EP400: variants seen among roughly 807,000 people sequenced by gnomAD.
EP400 encodes the protein E1A-binding protein p400.
Under a neutral mutation model 354.1 loss-of-function variants are expected in EP400, and 105 were observed. The ratio of observed to expected loss-of-function variants is 0.30; its 90% CI spans 0.25 to 0.35. The LOEUF (loss-of-function observed/expected upper bound fraction) is 0.35, where lower values mean the gene tolerates loss of function less well. Among genes scored for constraint, EP400 ranks in the 10% least tolerant of loss-of-function variants. The pLI is 1.00. For missense variants in EP400, 3,280 were observed against 4,121.0 expected, an observed-to-expected ratio of 0.80 and a Z score of 5.59; for synonymous variants, 1,646 against 1,716.9, an observed-to-expected ratio of 0.96 and a Z score of 1.02.
intron 30 of EP400, among the ~76,000 whole-genome samples, chr12:132,034,772 A>G (rs190753256): frequency 6.6e-5 from 10 of 152,282 alleles, no homozygotes; most frequent in East Asian, 1.9e-4. Context: ...ACGCCTGACC[A>G]TGGCGGAGTC....
chr12:132,029,595 C>T lies in EP400; in HGVS notation c.5382-106C>T, dbSNP rs1593358347. On this transcript the variant is annotated intron_variant, in intron 27 of 52. Transcript: ENST00000389561. This position sits in a 1 kb window ranked among gnomAD's most constrained non-coding sequence, Gnocchi z 4.7. ...GTGACTGGGTTGAGCCCTGCTGTTT[C>T]CTGGGACTTGGACTGTCAGAAGTCT... 2 of 1,289,128 alleles carry T rather than the reference C, an allele frequency of 1.6e-6. No homozygotes were observed. The highest frequency in any genetic ancestry group is 1.5e-5 in the African/African-American group (1 of 67,862). 79.9% of individuals were successfully genotyped at this position (1,289,128 alleles called of 1,614,324 possible).
At position 132,028,053 on chromosome 12, in the gene EP400, C is replaced by A; in HGVS notation, c.5146C>A (p.Gln1716Lys). The change falls in exon 27 of 53, where the codon CAG (glutamine) becomes AAG (lysine). Residue 1716 changes from glutamine (Q) to lysine (K), a missense_variant. Around this residue, in one of 20 missense-constraint regions of EP400, gnomAD observed 459 missense variants for 496.9 expected, o/e 0.92. Coordinates refer to ENST00000389561, the MANE Select transcript of EP400 (RefSeq NM_015409.5). ...KTRLLKERLD[Q>K]IYLVNERRCS... Reference sequence around the variant, plus strand: ...CAGACTCTTGAAAGAGCGCCTGGATCAGATTTATTTAGTCAACGAGCGGCG... The same window carrying A: ...CAGACTCTTGAAAGAGCGCCTGGATAAGATTTATTTAGTCAACGAGCGGCG... 6.2e-7 allele frequency: 1 copy of A among 1,614,108 alleles called. No homozygotes were observed. The highest frequency in any genetic ancestry group is 1.1e-5 in the South Asian group (1 of 91,068).
At chr12:132,069,468 G>A (rs745970073) in intron 50 of EP400, 27 bp from the exon 51 acceptor site, 14 of 1,610,850 alleles carry the variant, frequency 8.7e-6, no homozygotes, top group East Asian at 4.5e-5. Flanking sequence ...TGGTCTCTGC[G>A]GCCCTAATTT....
intron 12 of EP400, among the ~76,000 whole-genome samples, chr12:131,996,537 C>T (rs374982452): frequency 3.9e-5 from 6 of 152,178 alleles, no homozygotes; most frequent in East Asian, 3.9e-4. Context: ...ATGATCCACC[C>T]GCCTCAGCCT....
chr12:132,007,419 G>T (rs1335139804), intron 15 of EP400, among the ~76,000 whole-genome samples: 1 of 152,266 alleles, frequency 6.6e-6, no homozygotes, highest in African/African-American at 2.4e-5. Flanking sequence ...CTGCATGGCA[G>T]CCCCAACTGG....
chr12:132,062,413 C>A, intron 46 of EP400, 53 bp from the exon 47 acceptor site: 1 of 1,610,576 alleles, frequency 6.2e-7, no homozygotes, highest in Non-Finnish European at 8.5e-7. Context: ...GAATGAGGAT[C>A]TGAAGGTGGG....
At chr12:132,023,299 ATTTTTTTTT>A (rs767816284) in intron 23 of EP400, among the ~76,000 whole-genome samples, 5 of 71,042 alleles carry the variant, frequency 7.0e-5, no homozygotes, top group African/African-American at 8.3e-5. Context: ...TGCCCAGCTA[ATTTTTTTTT>A]TTTTTTTTTT....
chr12:131,978,900 C>G (rs1387312577), intron 2 of EP400, among the ~76,000 whole-genome samples: 2 of 152,080 alleles, frequency 1.3e-5, no homozygotes, highest in Non-Finnish European at 1.5e-5. Flanking sequence ...ATGTAGGGTG[C>G]TAACTATAAA....
chr12:131,972,139 T>C (rs1409707787), intron 2 of EP400, among the ~76,000 whole-genome samples: 2 of 150,794 alleles, frequency 1.3e-5, no homozygotes, highest in Non-Finnish European at 3.0e-5. Context: ...TTTATTACTT[T>C]CTTTTTCTTT....
rs1346757014 is a variant in EP400, at chr12:131,995,735, CATGTGA to C, written c.2827+781_2827+786del. 4.5e-4 allele frequency among the ~76,000 whole-genome samples: 56 copies of C among 124,756 alleles called. 1 individual carries two copies. Among genetic ancestry groups the C allele is most frequent in the South Asian group, 4.1e-3 (18 of 4,392 alleles). 81.8% of individuals were successfully genotyped at this position (124,756 alleles called of 152,430 possible). A position where few individuals can be genotyped will look rare whatever the true frequency, so the allele number is the denominator to read the frequency against. On this transcript the variant is annotated intron_variant, in intron 12 of 52. Transcript: ENST00000389561. ...GTTCATCCTGAGTGTGTGAGAACTT[CATGTGA>C]ACGAATCCCACCACAGCTTGACTGA...
intron 2 of EP400, among the ~76,000 whole-genome samples, chr12:131,969,112 A>C (rs1280014940): frequency 6.6e-6 from 1 of 151,768 alleles, no homozygotes; most frequent in Non-Finnish European, 1.5e-5. Flanking sequence ...GGGGGAAGGC[A>C]GTTAGTCTTC....
At chr12:132,015,975 T>A (rs1445290177) in intron 19 of EP400, among the ~76,000 whole-genome samples, 1 of 152,122 alleles carries the variant, frequency 6.6e-6, no homozygotes, top group Admixed American at 6.5e-5. Flanking sequence ...CAGACCAGAC[T>A]CCCTACCTGC....
At chr12:131,992,495 C>T (rs1437213260) in intron 11 of EP400, among the ~76,000 whole-genome samples, 1 of 152,216 alleles carries the variant, frequency 6.6e-6, no homozygotes, top group Non-Finnish European at 1.5e-5. Context: ...GCCCCATGCT[C>T]CTGTGGCACA....
At chr12:132,031,909 A>C (rs191852080) in intron 29 of EP400, 44 bp from the exon 30 acceptor site, 149 of 1,555,394 alleles carry the variant, frequency 9.6e-5, no homozygotes, top group Non-Finnish European at 1.2e-4. Flanking sequence ...AGGTTTCCCA[A>C]CATTTTCCAA....
chr12:132,074,507 G>T (rs1896171392), intron 51 of EP400, among the ~76,000 whole-genome samples: 1 of 152,100 alleles, frequency 6.6e-6, no homozygotes, highest in East Asian at 1.9e-4. Context: ...CTTTGTCTTT[G>T]TTGTTTTGCA....
Position 132,017,849 on chromosome 12 carries a change from C to T in EP400, c.4110+128C>T. Reference sequence around the variant, plus strand: ...CAATTGCAATTGCAGCTCCGCGATACATGGCACCGTCTAGCAGCACTGATG... The same window carrying T: ...CAATTGCAATTGCAGCTCCGCGATATATGGCACCGTCTAGCAGCACTGATG... On this transcript the variant is annotated intron_variant, in intron 20 of 52. Transcript: ENST00000389561. This position sits in a 1 kb window ranked among gnomAD's most constrained non-coding sequence, Gnocchi z 5.0. 2 of 1,064,730 alleles carry T rather than the reference C, an allele frequency of 1.9e-6. No homozygotes were observed. Among genetic ancestry groups the T allele is most frequent in the Non-Finnish European group, 2.6e-6 (2 of 756,692 alleles). 66.0% of individuals were successfully genotyped at this position (1,064,730 alleles called of 1,614,324 possible). A position where few individuals can be genotyped will look rare whatever the true frequency, so the allele number is the denominator to read the frequency against.
intron 2 of EP400, among the ~76,000 whole-genome samples, chr12:131,968,390 T>C (rs1372375308): frequency 1.3e-5 from 2 of 152,226 alleles, no homozygotes; most frequent in Admixed American, 6.5e-5. Context: ...TTGATACTTT[T>C]ATGGTTCTGT....
intron 24 of EP400, among the ~76,000 whole-genome samples, chr12:132,024,347 T>A (rs1464147181): frequency 6.6e-6 from 1 of 152,200 alleles, no homozygotes; most frequent in East Asian, 1.9e-4. Context: ...CACTCCAGCC[T>A]GGGTCACAGA....
Position 132,075,057 on chromosome 12 carries a change from C to G in EP400, c.9022-1459C>G, listed in dbSNP as rs1896189584. ...GGTGTTACCCACCTGGCCTCTGAAT[C>G]TGTGTCTCCTCCTCTCTCCTCCCCG... On this transcript the variant is annotated intron_variant, in intron 51 of 52. Transcript: ENST00000389561. This position sits in a 1 kb window ranked among gnomAD's most constrained non-coding sequence, Gnocchi z 4.5. Among the ~76,000 whole-genome samples, 1 of 152,170 alleles carries G rather than the reference C, an allele frequency of 6.6e-6. No homozygotes were observed. The highest frequency in any genetic ancestry group is 6.5e-5 in the Admixed American group (1 of 15,280).
Sources: gnomAD v4.1 joint callset for allele counts (sites outside exome capture counted in the v4.1 genomes callset) on GRCh38, gnomAD v4.1.1 for gene constraint, gnomAD v4.1.1 regional missense constraint, Gnocchi (gnomAD v3.1) non-coding constraint, MANE v1.5 for transcripts, NCBI Gene and HGNC (gene_info 2026-07-23, HGNC 2026-07-21) for gene names.